Variants in TMEM135 observed in about 807,000 individuals in gnomAD.
The protein encoded by TMEM135 is transmembrane protein 135, also known as peroxisomal membrane protein 52.
Under a neutral mutation model 60.3 loss-of-function variants are expected in TMEM135, and 30 were observed. That is an observed-to-expected ratio of 0.50 (90% confidence interval 0.37 to 0.68). The LOEUF (loss-of-function observed/expected upper bound fraction) is 0.68. Ranked by LOEUF, TMEM135 falls within the 30% of genes least tolerant of loss-of-function variation. TMEM135 has a pLI of 0.00. For synonymous variants in TMEM135, 190 were observed against 186.7 expected (o/e 1.02, Z -0.14); for missense variants, 468 against 548.8 (o/e 0.85, Z 1.47).
At chr11:87,107,452 C>T (rs548892209) in intron 4 of TMEM135, among the ~76,000 whole-genome samples, 28 of 148,666 alleles carry the variant, frequency 1.9e-4, no homozygotes, top group Admixed American at 5.4e-4. Flanking sequence ...GTGTGATGTT[C>T]TCCACCCTGT....
chr11:87,237,412 G>C (rs190145720), intron 6 of TMEM135, among the ~76,000 whole-genome samples: 119 of 151,832 alleles, frequency 7.8e-4, no homozygotes, highest in Non-Finnish European at 1.4e-3. Flanking sequence ...ATATATTTAT[G>C]GATCTAGCAA....
intron 4 of TMEM135, among the ~76,000 whole-genome samples, chr11:87,102,997 C>A (rs1857498588): frequency 6.6e-6 from 1 of 152,068 alleles, no homozygotes; most frequent in African/African-American, 2.4e-5. Flanking sequence ...GTTGGACTTT[C>A]ATAAGATTCC....
rs753509045 is a variant in TMEM135 at position 87,321,426 on chromosome 11, G to C, written c.*93G>C. 7.3e-7 allele frequency: 1 copy of C among 1,365,430 alleles called. No individual in the cohort carries two copies. Among genetic ancestry groups the C allele is most frequent in the East Asian group, 2.3e-5 (1 of 43,222 alleles). The allele number at this position is 1,365,430 out of a possible 1,614,324, so 84.6% of individuals were successfully genotyped here. A position where few individuals can be genotyped will look rare whatever the true frequency, so the allele number is the denominator to read the frequency against. Reference sequence around the variant, plus strand: ...GGAGGGGGCCCAAGCTCGAACTTCAGTGTTATTTCAGTTAGAGATACTCTT... The same window carrying C: ...GGAGGGGGCCCAAGCTCGAACTTCACTGTTATTTCAGTTAGAGATACTCTT... On this transcript the variant is annotated 3_prime_UTR_variant, in exon 15 of 15. Transcript: ENST00000305494.
At chr11:87,043,590 G>A (rs1263033623) in intron 1 of TMEM135, among the ~76,000 whole-genome samples, 4 of 151,946 alleles carry the variant, frequency 2.6e-5, no homozygotes, top group East Asian at 1.9e-4. Flanking sequence ...GGGCATGGTG[G>A]TGTGCACCTG....
Position 87,077,648 on chromosome 11 carries a change from CATTT to C in TMEM135, c.362+6034_362+6037del, listed in dbSNP as rs536667019. On this transcript the variant is annotated intron_variant, in intron 3 of 14. Transcript: ENST00000305494. Reference sequence around the variant, plus strand: ...TCACCCTTTTGAAAACTGCACAATTCATTTGTTTTTAATATATTCACAAAGTTGT... The same window carrying C: ...TCACCCTTTTGAAAACTGCACAATTCGTTTTTAATATATTCACAAAGTTGT... Among the ~76,000 whole-genome samples, 806 of 152,292 alleles carry C rather than the reference CATTT, an allele frequency of 5.3e-3. 8 individuals carry two copies. The highest frequency in any genetic ancestry group is 0.018 in the African/African-American group (745 of 41,558).
chr11:87,045,452 T>A (rs556646211), intron 1 of TMEM135, among the ~76,000 whole-genome samples: 2 of 152,320 alleles, frequency 1.3e-5, no homozygotes, highest in South Asian at 2.1e-4. Context: ...GTAAACACTT[T>A]CTCAACTCAC....
At chr11:87,133,036 G>T (rs1176325693) in intron 4 of TMEM135, among the ~76,000 whole-genome samples, 1 of 152,198 alleles carries the variant, frequency 6.6e-6, no homozygotes, top group Non-Finnish European at 1.5e-5. Context: ...AAAGGGCTAA[G>T]TGCTAACTGG....
chr11:87,319,703 C>A (rs1942789482), intron 14 of TMEM135, among the ~76,000 whole-genome samples: 1 of 151,720 alleles, frequency 6.6e-6, no homozygotes, highest in Non-Finnish European at 1.5e-5. Flanking sequence ...TAAAGATCAT[C>A]TCCACATAAT....
chr11:87,222,809 A>AAAAG (rs758653846), intron 5 of TMEM135, among the ~76,000 whole-genome samples: 10 of 150,524 alleles, frequency 6.6e-5, no homozygotes, highest in Admixed American at 1.3e-4. Flanking sequence ...GTCTCAAAAA[A>AAAAG]AAAGAAAGAA....
chr11:87,274,400 GTCTATAC>G (rs1264405103), intron 6 of TMEM135, among the ~76,000 whole-genome samples: 1 of 152,060 alleles, frequency 6.6e-6, no homozygotes, highest in East Asian at 1.9e-4. Flanking sequence ...TTTTCTCTCT[GTCTATAC>G]TTTTCTGCTT....
intron 1 of TMEM135, among the ~76,000 whole-genome samples, chr11:87,044,209 ATT>A (rs1374868721): frequency 6.6e-6 from 1 of 152,084 alleles, no homozygotes; most frequent in Non-Finnish European, 1.5e-5. Context: ...CAGAGTTGAA[ATT>A]TCTAGGAATA....
intron 6 of TMEM135, among the ~76,000 whole-genome samples, chr11:87,278,672 A>G (rs544535586): frequency 5.3e-5 from 8 of 152,214 alleles, no homozygotes; most frequent in African/African-American, 1.2e-4. Context: ...CATAATTTTC[A>G]TTCTTTGAAA....
intron 1 of TMEM135, among the ~76,000 whole-genome samples, chr11:87,041,122 A>G (rs1949746735): frequency 1.3e-5 from 2 of 152,202 alleles, no homozygotes; most frequent in South Asian, 4.1e-4. Context: ...AACAACTTAC[A>G]TTTATTATGT....
intron 4 of TMEM135, among the ~76,000 whole-genome samples, chr11:87,150,313 T>C (rs1285114473): frequency 3.9e-5 from 6 of 152,142 alleles, no homozygotes; most frequent in African/African-American, 1.4e-4. Flanking sequence ...ACACATGAAT[T>C]CCACAATGCA....
At chr11:87,245,959 C>T (rs1408836338) in intron 6 of TMEM135, among the ~76,000 whole-genome samples, 1 of 122,418 alleles carries the variant, frequency 8.2e-6, no homozygotes, top group Non-Finnish European at 1.8e-5. Context: ...ATGGTCTTTA[C>T]AATTTGGCAT....
chr11:87,080,467 T>C (rs1036912113), intron 3 of TMEM135, among the ~76,000 whole-genome samples: 2 of 152,158 alleles, frequency 1.3e-5, no homozygotes, highest in East Asian at 3.9e-4. Context: ...AGTTTTATCA[T>C]TTGCTGAGAG....
rs1940497048 is a variant in TMEM135 at position 87,216,229 on chromosome 11, C to G, written c.463-20409C>G. Among the ~76,000 whole-genome samples, 3 of 152,064 alleles carry G rather than the reference C, an allele frequency of 2.0e-5. No homozygotes were observed. The South Asian group carries it at 6.2e-4, about 32-fold the overall frequency. On this transcript the variant is annotated intron_variant, in intron 5 of 14. Coordinates refer to ENST00000305494, the MANE Select transcript of TMEM135 (RefSeq NM_022918.4). ...GGGGACTACAGTCTTTTTGAAAATC[C>G]CTTAGCTTGTATTGCCAACATGATA...
In TMEM135 at chr11:87,037,949, G is replaced by T. The variant is rs1483757734; in HGVS notation, c.-97G>T. The T allele has an allele frequency of 6.3e-7, 1 of 1,579,004 alleles. No homozygotes were observed. ...TTTCCCCTCCATTCCGCACCTCCGA[G>T]TGCTGGCCGGGCGAGAGGCTGGCGG... On this transcript the variant is annotated 5_prime_UTR_variant, in exon 1 of 15. Coordinates refer to ENST00000305494, the MANE Select transcript of TMEM135 (RefSeq NM_022918.4).
At chr11:87,269,661 A>G (rs1222182679) in intron 6 of TMEM135, among the ~76,000 whole-genome samples, 1 of 151,556 alleles carries the variant, frequency 6.6e-6, no homozygotes, top group Non-Finnish European at 1.5e-5. Flanking sequence ...ATGTCCCTAC[A>G]AAGGACATGA....
Sources: allele counts gnomAD v4.1 joint callset (sites outside exome capture counted in the v4.1 genomes callset), GRCh38; gene constraint gnomAD v4.1.1; transcripts MANE v1.5; gene names NCBI Gene and HGNC (gene_info 2026-07-23, HGNC 2026-07-21).